PDE4D: variants seen among roughly 807,000 people sequenced by gnomAD.
PDE4D encodes 3',5'-cyclic-AMP phosphodiesterase 4D.
A neutral mutation model predicts 87.4 loss-of-function variants in PDE4D; 24 were observed. That is an observed-to-expected ratio of 0.27 (90% CI 0.20 to 0.39). The LOEUF (loss-of-function observed/expected upper bound fraction) is 0.39, where lower values mean the gene tolerates loss of function less well. Among genes scored for constraint, PDE4D ranks in the 10% least tolerant of loss-of-function variants. The probability of loss-of-function intolerance (pLI) is 1.00; values close to 1 mark genes in which losing one functional copy is unlikely to be tolerated. For missense variants in PDE4D, 714 were observed against 1,041.0 expected, an observed-to-expected ratio of 0.69 and a Z score of 4.32; for synonymous variants, 384 against 383.2, an observed-to-expected ratio of 1.00 and a Z score of -0.02.
intron 2 of PDE4D, among the ~76,000 whole-genome samples, chr5:60,112,413 T>C (rs371682028): frequency 6.6e-6 from 1 of 152,084 alleles, no homozygotes. Flanking sequence ...GGTTGTATTA[T>C]ACAAAATTTA....
At chr5:59,208,802 G>A (rs760506884) in intron 2 of PDE4D, among the ~76,000 whole-genome samples, 13 of 151,968 alleles carry the variant, frequency 8.6e-5, no homozygotes, top group Non-Finnish European at 1.8e-4. Flanking sequence ...TGAATAAATG[G>A]CACCAAATAA....
chr5:59,344,307 A>G (rs1249337937), intron 1 of PDE4D, among the ~76,000 whole-genome samples: 1 of 152,218 alleles, frequency 6.6e-6, no homozygotes, highest in Non-Finnish European at 1.5e-5. Context: ...AGGGTGAGCG[A>G]AAAATGCTTG....
intron 1 of PDE4D, among the ~76,000 whole-genome samples, chr5:60,356,368 G>A (rs902398471): frequency 6.6e-5 from 10 of 152,116 alleles, no homozygotes; most frequent in South Asian, 2.1e-4. Flanking sequence ...GCTTTTCTCC[G>A]AATACCATTT....
intron 5 of PDE4D, among the ~76,000 whole-genome samples, chr5:59,147,269 T>C (rs903548450): frequency 6.6e-6 from 1 of 152,224 alleles, no homozygotes; most frequent in Non-Finnish European, 1.5e-5. Context: ...GTTTAAAATA[T>C]TGAATGGTTT....
At chr5:58,991,740 A>G in intron 8 of PDE4D, 92 bp downstream of exon 8, 1 of 839,300 alleles carries the variant, frequency 1.2e-6, no homozygotes, top group Non-Finnish European at 1.7e-6. Context: ...CCCAATTAAT[A>G]AACTTTTCTA....
At chr5:59,946,858 G>A (rs1329368181) in intron 3 of PDE4D, among the ~76,000 whole-genome samples, 3 of 152,120 alleles carry the variant, frequency 2.0e-5, no homozygotes, top group Non-Finnish European at 2.9e-5. Context: ...TTGTATAACC[G>A]AGTTGTGTAT....
At position 60,483,458 on chromosome 5, in the gene PDE4D, A is replaced by T. The variant is rs534608520; in HGVS notation, c.-90+4484T>A. ...TCATAATAACCCTTTTTCTTTGAGA[A>T]TTATCCTAAAAGTTCTGCCAACATG... On this transcript the variant is annotated intron_variant, in intron 1 of 16. Coordinates refer to the PDE4D transcript ENST00000502484. Among the ~76,000 whole-genome samples, 4 of 152,316 alleles carry T rather than the reference A, an allele frequency of 2.6e-5. No individual in the cohort carries two copies. The South Asian group carries it at 8.3e-4, about 32-fold the overall frequency.
At chr5:60,049,396 C>A (rs982533135) in intron 2 of PDE4D, among the ~76,000 whole-genome samples, 2 of 152,234 alleles carry the variant, frequency 1.3e-5, no homozygotes, top group Admixed American at 6.5e-5. Flanking sequence ...CAGCTCTGTT[C>A]CGTTGCTGGT....
At chr5:59,572,713 C>G (rs1822079844) in intron 1 of PDE4D, among the ~76,000 whole-genome samples, 1 of 152,202 alleles carries the variant, frequency 6.6e-6, no homozygotes, top group Non-Finnish European at 1.5e-5. Flanking sequence ...ATCTCCTGAC[C>G]TCGTGATCCA....
intron 2 of PDE4D, among the ~76,000 whole-genome samples, chr5:60,153,602 A>AAGAT (rs1441038364): frequency 6.6e-6 from 1 of 152,260 alleles, no homozygotes; most frequent in Non-Finnish European, 1.5e-5. Context: ...CGCAATAGCC[A>AAGAT]AGATATAGTA....
At chr5:59,346,096 A>G (rs1200833355) in intron 1 of PDE4D, among the ~76,000 whole-genome samples, 1 of 118,150 alleles carries the variant, frequency 8.5e-6, no homozygotes, top group East Asian at 3.1e-4. Context: ...TGACTGAAAT[A>G]AAATAAGAGT....
At chr5:59,085,960 A>G (rs969287650) in intron 5 of PDE4D, among the ~76,000 whole-genome samples, 1 of 152,184 alleles carries the variant, frequency 6.6e-6, no homozygotes, top group Non-Finnish European at 1.5e-5. Context: ...AGAATCAAGT[A>G]TTCAGAGGTA....
intron 1 of PDE4D, among the ~76,000 whole-genome samples, chr5:59,450,721 C>G (rs1380476149): frequency 1.3e-5 from 2 of 152,134 alleles, no homozygotes; most frequent in African/African-American, 4.8e-5. Context: ...GAACATTCTC[C>G]ATGTCCAGCC....
At chr5:59,711,991 T>C (rs566764087) in intron 1 of PDE4D, among the ~76,000 whole-genome samples, 2 of 152,244 alleles carry the variant, frequency 1.3e-5, no homozygotes, top group Admixed American at 6.5e-5. Context: ...AATTACATTA[T>C]AAAAATCAAG....
intron 1 of PDE4D, among the ~76,000 whole-genome samples, chr5:60,466,970 T>C (rs541050523): frequency 6.9e-6 from 1 of 145,702 alleles, no homozygotes; most frequent in East Asian, 2.2e-4. Flanking sequence ...ATCAATCACC[T>C]ACTAGCATCT....
At chr5:60,427,275 C>T (rs1253518702) in intron 1 of PDE4D, among the ~76,000 whole-genome samples, 1 of 152,000 alleles carries the variant, frequency 6.6e-6, no homozygotes, top group African/African-American at 2.4e-5. Flanking sequence ...TGCAGCACAT[C>T]CAAGATAAAG....
intron 5 of PDE4D, among the ~76,000 whole-genome samples, chr5:59,170,056 A>G (rs1375669725): frequency 6.6e-6 from 1 of 152,122 alleles, no homozygotes; most frequent in Non-Finnish European, 1.5e-5. Context: ...TCTGAGACAG[A>G]GTTTTGCTCT....
chr5:60,013,072 C>A (rs1765168930), intron 2 of PDE4D, among the ~76,000 whole-genome samples: 1 of 152,136 alleles, frequency 6.6e-6, no homozygotes, highest in Non-Finnish European at 1.5e-5. Context: ...GATTTCTGCT[C>A]TCTGACTCCA....
In PDE4D at chr5:59,594,782, G is replaced by A. The variant is rs138901608; in HGVS notation, c.455+298386C>T. 7.2e-5 allele frequency among the ~76,000 whole-genome samples: 11 copies of A among 152,282 alleles called. No individual in the cohort carries two copies. The East Asian group carries it at 1.5e-3, about 21-fold the overall frequency. ...CATGCCAGAGATGTTGGAATTATCC[G>A]TATGATACAAAAATGGAAGATATAC... On this transcript the variant is annotated intron_variant, in intron 1 of 14. Coordinates refer to ENST00000340635, the MANE Select transcript of PDE4D (RefSeq NM_001104631.2).
Sources: gnomAD v4.1 joint callset for allele counts (sites outside exome capture counted in the v4.1 genomes callset) on GRCh38, gnomAD v4.1.1 for gene constraint, MANE v1.5 for transcripts, NCBI Gene and HGNC (gene_info 2026-07-23, HGNC 2026-07-21) for gene names.